The following SLC19A1 variants were observed in gnomAD, a reference collection of about 807,000 sequenced individuals.
SLC19A1 encodes solute carrier family 19 member 1, also known as reduced folate transporter.
Under a neutral mutation model 35.3 loss-of-function variants are expected in SLC19A1, and 37 were observed. The observed-to-expected ratio is 1.05, with a 90% CI of 0.81 to 1.38. SLC19A1 has a LOEUF of 1.38. Ranked by LOEUF, SLC19A1 falls within the 40% of genes most tolerant of loss-of-function variation. SLC19A1 has a pLI of 0.00. For missense variants in SLC19A1, 831 were observed against 826.9 expected, an observed-to-expected ratio of 1.00 and a Z score of -0.06; for synonymous variants, 460 against 398.5, an observed-to-expected ratio of 1.15 and a Z score of -1.84.
chr21:45,510,347 G>A (rs2037504986), downstream of SLC19A1: 3 of 1,440,858 alleles, frequency 2.1e-6, no homozygotes, highest in Non-Finnish European at 2.9e-6. Flanking sequence ...CTCCCCTCTA[G>A]GGCCTCTGGA....
intron 4 of SLC19A1, among the ~76,000 whole-genome samples, chr21:45,529,405 C>T (rs752582395): frequency 5.9e-5 from 9 of 152,144 alleles, no homozygotes; most frequent in South Asian, 2.1e-4. Flanking sequence ...AGATAGGGCT[C>T]GGAGGCCACC....
rs755188060 is a variant in SLC19A1 at position 45,531,931 on chromosome 21, T to A, written c.407A>T (p.Tyr136Phe). ...CACGAGAGAGAAGATGTAGGAGGAA[T>A]AGGCGATGCGCGCGGCCATGGTGAC... ...YSVTMAARIA[Y>F]SSYIFSLVRP... Residue 136 changes from tyrosine (Y) to phenylalanine (F), a missense_variant, in exon 3 of 6, where the codon TAT becomes TTT. Transcript: ENST00000311124. 1.9e-6 allele frequency: 3 copies of A among 1,600,268 alleles called. No homozygotes were observed. Among genetic ancestry groups the A allele is most frequent in the Non-Finnish European group, 2.6e-6 (3 of 1,174,244 alleles).
chr21:45,541,097 T>A (rs2078290112), intron 1 of SLC19A1, among the ~76,000 whole-genome samples: 1 of 152,186 alleles, frequency 6.6e-6, no homozygotes, highest in African/African-American at 2.4e-5. Flanking sequence ...CCTAACAGCA[T>A]AATTAGACCC....
chr21:45,516,290 C>G (rs2037935548), intron 5 of SLC19A1, 150 bp from the exon 6 acceptor site: 3 of 636,656 alleles, frequency 4.7e-6, no homozygotes. Flanking sequence ...GCCCCAGGAG[C>G]AGGTGCCACA....
downstream of SLC19A1, among the ~76,000 whole-genome samples, chr21:45,508,216 G>A (rs1220761226): frequency 1.3e-5 from 2 of 150,118 alleles, no homozygotes; most frequent in Non-Finnish European, 3.0e-5. Context: ...GTGTATGAAT[G>A]GGTGGGTGGA....
chr21:45,511,828 G>A (rs962192030), downstream of SLC19A1, among the ~76,000 whole-genome samples: 2 of 152,196 alleles, frequency 1.3e-5, no homozygotes, highest in African/African-American at 4.8e-5. Flanking sequence ...TGGGCCCCAG[G>A]GAAGGCCTGA....
intron 1 of SLC19A1, among the ~76,000 whole-genome samples, chr21:45,556,844 C>T (rs1858703321): frequency 6.6e-6 from 1 of 152,194 alleles, no homozygotes; most frequent in African/African-American, 2.4e-5. Flanking sequence ...GTGGCCGGGG[C>T]TTCCTGGGGG....
At chr21:45,541,310 G>A (rs537719823) in intron 1 of SLC19A1, among the ~76,000 whole-genome samples, 28 of 152,396 alleles carry the variant, frequency 1.8e-4, no homozygotes, top group African/African-American at 6.5e-4. Flanking sequence ...TCCCAGGCCT[G>A]GACAGGGCAG....
At chr21:45,545,854 G>A (rs530035320), upstream of SLC19A1, among the ~76,000 whole-genome samples, 4 of 152,196 alleles carry the variant, frequency 2.6e-5, no homozygotes, top group Non-Finnish European at 5.9e-5. Flanking sequence ...AATGACAGGT[G>A]CTTCTGCTCC....
chr21:45,530,856 G>A lies in SLC19A1; in HGVS notation c.1065C>T (p.His355=). 6.7e-7 allele frequency: 1 copy of A among 1,500,380 alleles called. No homozygotes were observed. Among genetic ancestry groups the A allele is most frequent in the Non-Finnish European group, 8.9e-7 (1 of 1,124,394 alleles). The allele number at this position is 1,500,380 out of a possible 1,614,324, so 92.9% of individuals were successfully genotyped here. A position where few individuals can be genotyped will look rare whatever the true frequency, so the allele number is the denominator to read the frequency against. ...GCCAGATGCTGCTCGGGTGGCGCGT[G>A]TGCGCCAGAAGGAAGACCAGCCCCG... ...TQAGLVFLLA[H]TRHPSSIWLC... Residue 355 remains histidine (H), a synonymous_variant, in exon 4 of 6, where the codon CAC becomes CAT. Coordinates refer to ENST00000311124, the MANE Select transcript of SLC19A1 (RefSeq NM_194255.4). This position sits in a 1 kb window ranked among gnomAD's most constrained non-coding sequence, Gnocchi z 5.3.
At position 45,515,086 on chromosome 21, in the gene SLC19A1, ATG is replaced by A; in HGVS notation, c.*570_*571del. On this transcript the variant is annotated 3_prime_UTR_variant, in exon 6 of 6. Coordinates refer to ENST00000311124, the MANE Select transcript of SLC19A1 (RefSeq NM_194255.4). ...GAGCCGCTGCTCCCCTCTGATGACA[ATG>A]TGTCTGCCGCCAACCTGAGATGGCT... 1 of 1,546,632 alleles carries A rather than the reference ATG, an allele frequency of 6.5e-7. No homozygotes were observed. Among genetic ancestry groups the A allele is most frequent in the South Asian group, 1.2e-5 (1 of 83,420 alleles).
downstream of SLC19A1, chr21:45,511,243 G>A (rs374735300): frequency 1.4e-3 from 1,934 of 1,387,522 alleles, 4 homozygotes; most frequent in Non-Finnish European, 1.7e-3. Flanking sequence ...TCCCAGTGCC[G>A]TGTGAGCAGC....
upstream of SLC19A1, chr21:45,544,173 C>T (rs2078386807): frequency 2.0e-5 from 3 of 152,362 alleles, no homozygotes; most frequent in South Asian, 6.2e-4. Context: ...GCGAATCCGC[C>T]CCCGGCCGCG....
At chr21:45,505,794 G>A (rs753521473) in intron 3 of SLC19A1, 46 of 639,594 alleles carry the variant, frequency 7.2e-5, no homozygotes, top group Middle Eastern at 1.0e-3. Flanking sequence ...CCTGCCCCCC[G>A]CCCTCCCCGC....
chr21:45,530,682 G>T lies in SLC19A1; in HGVS notation c.1151+88C>A. On this transcript the variant is annotated intron_variant, in intron 4 of 5. Coordinates refer to ENST00000311124, the MANE Select transcript of SLC19A1 (RefSeq NM_194255.4). The surrounding 1 kb of genome is among the most constrained non-coding windows in gnomAD (Gnocchi z 5.3). ...CCAGCAGTGGCACAGCCGCTGGGGC[G>T]CAGCAGGAAGGTGGGAGCACCCAGC... The T allele has an allele frequency of 7.4e-7, 1 of 1,356,138 alleles. No homozygotes were observed. The highest frequency in any genetic ancestry group is 1.0e-6 in the Non-Finnish European group (1 of 990,528). 84.0% of individuals were successfully genotyped at this position (1,356,138 alleles called of 1,614,324 possible).
downstream of SLC19A1, chr21:45,512,084 A>T: frequency 1.6e-6 from 2 of 1,259,510 alleles, no homozygotes; most frequent in Non-Finnish European, 2.3e-6. Flanking sequence ...CCCCCTGGTA[A>T]CCCCAGGGCT....
At chr21:45,553,010 C>A (rs539540106) in intron 1 of SLC19A1, among the ~76,000 whole-genome samples, 1 of 152,278 alleles carries the variant, frequency 6.6e-6, no homozygotes, top group East Asian at 1.9e-4. Context: ...GCAATGGAAG[C>A]TCTTCCTCCT....
At chr21:45,506,741 T>TTCTAGAGCCCTCCCACCTTCCC (rs1568945676) in intron 3 of SLC19A1, 5 of 144,722 alleles carry the variant, frequency 3.5e-5, no homozygotes, top group Non-Finnish European at 7.8e-5. Context: ...CCCACCTTCC[T>TTCTAGAGCCCTCCCACCTTCCC]TCTAGAGCCC....
At chr21:45,521,807 C>T (rs1306447455) in intron 5 of SLC19A1, among the ~76,000 whole-genome samples, 1 of 151,866 alleles carries the variant, frequency 6.6e-6, no homozygotes. Flanking sequence ...TGGATACGCA[C>T]AGGCCAAAAA....
Sources: allele counts gnomAD v4.1 joint callset (sites outside exome capture counted in the v4.1 genomes callset), GRCh38; gene constraint gnomAD v4.1.1; non-coding constraint Gnocchi (gnomAD v3.1); transcripts MANE v1.5; gene names NCBI Gene and HGNC (gene_info 2026-07-23, HGNC 2026-07-21).